ASXL1: variants seen among roughly 807,000 people sequenced by gnomAD.
The protein encoded by ASXL1 is ASXL transcriptional regulator 1.
In ASXL1, 65 loss-of-function variants were observed where a neutral mutation model predicts 89.1. The ratio of observed to expected loss-of-function variants is 0.73; its 90% CI spans 0.60 to 0.90. The LOEUF is 0.90. ASXL1 is among the 40% of genes least tolerant of loss of function. ASXL1 has a pLI of 0.00. For synonymous variants in ASXL1, 739 were observed against 746.9 expected (o/e 0.99, Z 0.17); for missense variants, 1,786 against 1,942.9 (o/e 0.92, Z 1.52).
At chr20:32,368,418 T>G (rs2048240973) in intron 3 of ASXL1, among the ~76,000 whole-genome samples, 1 of 152,194 alleles carries the variant, frequency 6.6e-6, no homozygotes, top group Non-Finnish European at 1.5e-5. Flanking sequence ...CTTTTTGCAT[T>G]TAGGTTTAAA....
At chr20:32,376,868 ATGTTATATATTT>A (rs1249951730) in intron 4 of ASXL1, among the ~76,000 whole-genome samples, 1 of 140,894 alleles carries the variant, frequency 7.1e-6, no homozygotes, top group East Asian at 2.9e-4. Flanking sequence ...ATATAATTAT[ATGTTATATATTT>A]TATATTTATA....
At position 32,436,671 on chromosome 20, in the gene ASXL1, C is replaced by T. The variant is rs760162421; in HGVS notation, c.3959C>T (p.Ala1320Val). ...VAATLQRPRP[A>V]DPMPLPAEIP... ...GCAACCCTTCAGCGCCCCAGGCCTG[C>T]GGACCCGATGCCTCTTCCTGCTGAG... The change falls in exon 13 of 13, where the codon GCG (alanine) becomes GTG (valine). Residue 1320 changes from alanine (A) to valine (V), a missense_variant. This residue lies in a region of ASXL1 where 1,418 missense variants were observed against 1,427.8 expected (regional missense o/e 0.99). Coordinates refer to ENST00000375687, the MANE Select transcript of ASXL1 (RefSeq NM_015338.6). The T allele has an allele frequency of 2.9e-5, 47 of 1,613,854 alleles. No homozygotes were observed. The highest frequency in any genetic ancestry group is 1.7e-4 in the African/African-American group (13 of 74,930).
At chr20:32,421,117 A>C (rs1300900427) in intron 4 of ASXL1, among the ~76,000 whole-genome samples, 2 of 151,956 alleles carry the variant, frequency 1.3e-5, no homozygotes. Context: ...TACCTAATGC[A>C]TGCGGGGCTT....
At chr20:32,397,063 G>A (rs1463290217) in intron 4 of ASXL1, among the ~76,000 whole-genome samples, 4 of 139,840 alleles carry the variant, frequency 2.9e-5, no homozygotes, top group African/African-American at 8.0e-5. Context: ...TCTTTTTCCC[G>A]AGATGAAGTC....
intron 4 of ASXL1, among the ~76,000 whole-genome samples, chr20:32,378,446 T>C (rs968164939): frequency 2.0e-5 from 3 of 152,172 alleles, no homozygotes; most frequent in Non-Finnish European, 4.4e-5. Context: ...TTAGGGATGC[T>C]CAGCCTGTAC....
intron 4 of ASXL1, among the ~76,000 whole-genome samples, chr20:32,371,038 G>A (rs1319428864): frequency 6.6e-6 from 1 of 150,400 alleles, no homozygotes; most frequent in African/African-American, 2.4e-5. Context: ...TCAGGAGGCT[G>A]AAGCAGGAGG....
chr20:32,409,687 C>T (rs978786924), intron 4 of ASXL1, among the ~76,000 whole-genome samples: 7 of 151,934 alleles, frequency 4.6e-5, no homozygotes, highest in African/African-American at 1.7e-4. Flanking sequence ...TGCAGTATGC[C>T]ATGATCAACC....
chr20:32,413,721 C>T (rs1038782188), intron 4 of ASXL1, among the ~76,000 whole-genome samples: 9 of 152,320 alleles, frequency 5.9e-5, no homozygotes, highest in East Asian at 3.9e-4. Context: ...ACTCTTTTCA[C>T]GTGCATGTGG....
At chr20:32,377,179 A>G (rs2048400322) in intron 4 of ASXL1, among the ~76,000 whole-genome samples, 2 of 143,308 alleles carry the variant, frequency 1.4e-5, no homozygotes, top group South Asian at 2.2e-4. Flanking sequence ...TATATATAAT[A>G]TATTATAGAT....
At chr20:32,380,904 G>A (rs1295904015) in intron 4 of ASXL1, among the ~76,000 whole-genome samples, 1 of 152,178 alleles carries the variant, frequency 6.6e-6, no homozygotes, top group African/African-American at 2.4e-5. Flanking sequence ...CAAGCAAAGT[G>A]GTCCTTTTGA....
Position 32,406,318 on chromosome 20 carries a change from C to T in ASXL1, c.253-21810C>T, listed in dbSNP as rs868451940. On this transcript the variant is annotated intron_variant, in intron 4 of 12. Coordinates refer to ENST00000375687, the MANE Select transcript of ASXL1 (RefSeq NM_015338.6). Reference sequence around the variant, plus strand: ...ATCCCAGCACTTTGGGAGGCTGAGGCGGGTGGATTGCTTGAACACAGGCGT... The same window carrying T: ...ATCCCAGCACTTTGGGAGGCTGAGGTGGGTGGATTGCTTGAACACAGGCGT... 1.6e-4 allele frequency among the ~76,000 whole-genome samples: 25 copies of T among 151,758 alleles called. 1 individual carries two copies. Among genetic ancestry groups the T allele is most frequent in the Non-Finnish European group, 7.4e-5 (5 of 67,964 alleles).
rs148597247 is a variant in ASXL1 at position 32,436,252 on chromosome 20, T to C, written c.3540T>C (p.Asp1180=). The C allele has an allele frequency of 3.5e-5, 57 of 1,614,214 alleles. 1 individual carries two copies. The African/African-American group carries it at 6.8e-4, about 19-fold the overall frequency. Residue 1180 remains aspartate, a synonymous_variant, in exon 13 of 13, where the codon GAT becomes GAC. Transcript: ENST00000375687. ...LRALKEPLLP[D]SCETGTGLAR... ...CTTTGAAGGAGCCTCTTCTGCCAGATAGCTGTGAAACAGGCACTGGTCTTG... is the reference window on the plus strand; with the variant it reads ...CTTTGAAGGAGCCTCTTCTGCCAGACAGCTGTGAAACAGGCACTGGTCTTG...
At position 32,436,272 on chromosome 20, in the gene ASXL1, G is replaced by T. The variant is rs755170442; in HGVS notation, c.3560G>T (p.Gly1187Val). ...LLPDSCETGTGLARIEATQAP... is the reference protein window; with the variant it reads ...LLPDSCETGTVLARIEATQAP... ...CCAGATAGCTGTGAAACAGGCACTG[G>T]TCTTGCCAGGATTGAGGCCACCCAG... The change falls in exon 13 of 13, where the codon GGT becomes GTT. Residue 1187 changes from glycine (G) to valine (V), a missense_variant. Physicochemically the swap from Gly to Val is moderately radical, Grantham distance 109. Transcript: ENST00000375687. The T allele has an allele frequency of 1.9e-6, 3 of 1,614,192 alleles. No homozygotes were observed. The East Asian group carries it at 6.7e-5, about 36-fold the overall frequency.
rs754572422 is a variant in ASXL1, at chr20:32,429,957, G to A, written c.622G>A (p.Gly208Ser). The change falls in exon 8 of 13, where the codon GGC becomes AGC. Residue 208 changes from glycine (G) to serine (S), a missense_variant. This residue lies in a region of ASXL1 where 332 missense variants were observed against 449.7 expected (regional missense o/e 0.74). Transcript: ENST00000375687. This position sits in a 1 kb window ranked among gnomAD's most constrained non-coding sequence, Gnocchi z 4.9. Reference sequence around the variant, plus strand: ...CGGCAGCCCGTCCAGCAGCAGCAGCGGCTCTCTGGCCCTGGGCAGCGCTGC... The same window carrying A: ...CGGCAGCCCGTCCAGCAGCAGCAGCAGCTCTCTGGCCCTGGGCAGCGCTGC... ...ESGSPSSSSSGSLALGSAAIR... is the reference protein window; with the variant it reads ...ESGSPSSSSSSSLALGSAAIR... 19 of 1,608,654 alleles carry A rather than the reference G, an allele frequency of 1.2e-5. No individual in the cohort carries two copies. The highest frequency in any genetic ancestry group is 1.8e-4 in the Middle Eastern group (1 of 5,546).
chr20:32,392,717 T>C (rs1290610690), intron 4 of ASXL1, among the ~76,000 whole-genome samples: 1 of 152,050 alleles, frequency 6.6e-6, no homozygotes, highest in African/African-American at 2.4e-5. Context: ...AATTTTTCTT[T>C]TGATTTATTC....
intron 4 of ASXL1, chr20:32,427,505 T>C (rs2011356604): frequency 6.1e-6 from 1 of 164,646 alleles, no homozygotes; most frequent in East Asian, 1.7e-4. Flanking sequence ...TTCCTGCATA[T>C]TGAGTTCCCC....
chr20:32,435,380 C>CT lies in ASXL1; in HGVS notation c.2669dup (p.Val891ArgfsTer3), dbSNP rs1432318140. On this transcript the variant is annotated frameshift_variant, in exon 13 of 13. Transcript: ENST00000375687. LOFTEE classifies it low-confidence loss of function (END_TRUNC). Reference sequence around the variant, plus strand: ...ACAAGAAAACTTGAAAACCAAGGCTCTCGTTTCTAACAGTTCTTTGCATTG... The same window carrying CT: ...ACAAGAAAACTTGAAAACCAAGGCTCTTCGTTTCTAACAGTTCTTTGCATTG... 6.2e-7 allele frequency: 1 copy of CT among 1,614,206 alleles called. No homozygotes were observed. Among genetic ancestry groups the CT allele is most frequent in the Non-Finnish European group, 8.5e-7 (1 of 1,180,036 alleles).
At chr20:32,366,208 A>G (rs1161983828) in intron 1 of ASXL1, among the ~76,000 whole-genome samples, 176 bp from the exon 2 acceptor site, 1 of 152,238 alleles carries the variant, frequency 6.6e-6, no homozygotes, top group Non-Finnish European at 1.5e-5. Context: ...AGTTAATTGC[A>G]GTAACTTTTC....
chr20:32,431,663 G>C lies in ASXL1; in HGVS notation c.963G>C (p.Arg321=), dbSNP rs779832480. Residue 321 remains arginine (R), a synonymous_variant, in exon 10 of 13, where the codon CGG becomes CGC. Coordinates refer to ENST00000375687, the MANE Select transcript of ASXL1 (RefSeq NM_015338.6). ...EFFTHAAQSW[R]ERLADGEFTH... ...TTACCCATGCGGCTCAGAGCTGGCGGGAGCGCCTGGCTGATGGTATGTAGA... is the reference window on the plus strand; with the variant it reads ...TTACCCATGCGGCTCAGAGCTGGCGCGAGCGCCTGGCTGATGGTATGTAGA... The C allele has an allele frequency of 6.2e-7, 1 of 1,613,140 alleles. No homozygotes were observed. The highest frequency in any genetic ancestry group is 8.5e-7 in the Non-Finnish European group (1 of 1,180,026).
Sources: gnomAD v4.1 joint callset for allele counts (sites outside exome capture counted in the v4.1 genomes callset) on GRCh38, gnomAD v4.1.1 for gene constraint, gnomAD v4.1.1 regional missense constraint, Gnocchi (gnomAD v3.1) non-coding constraint, MANE v1.5 for transcripts, NCBI Gene and HGNC (gene_info 2026-07-23, HGNC 2026-07-21) for gene names.